Variants in DNAI1 observed in about 807,000 individuals in gnomAD.
DNAI1 encodes dynein axonemal intermediate chain 1.
In DNAI1, 67 loss-of-function variants were observed where a neutral mutation model predicts 92.0. That is an observed-to-expected ratio of 0.73 (90% CI 0.60 to 0.89). The LOEUF (loss-of-function observed/expected upper bound fraction) is 0.89. Among genes scored for constraint, DNAI1 ranks in the 40% least tolerant of loss-of-function variants. The pLI, the probability that DNAI1 is intolerant of heterozygous loss-of-function variation, is 0.00. For missense variants in DNAI1, 839 were observed against 866.6 expected (o/e 0.97, Z 0.40); for synonymous variants, 323 against 319.6 (o/e 1.01, Z -0.11).
chr9:34,500,906 C>T (rs757425174), intron 11 of DNAI1, 67 bp downstream of exon 11: 19 of 1,278,542 alleles, frequency 1.5e-5, no homozygotes, highest in Non-Finnish European at 2.2e-5. Flanking sequence ...CCCCCAGTAC[C>T]CCCTTCTGCA....
At chr9:34,488,279 T>G (rs955679830) in intron 4 of DNAI1, 2 of 173,604 alleles carry the variant, frequency 1.2e-5, no homozygotes, top group East Asian at 1.8e-4. Context: ...GAATAAAGAT[T>G]CAAACCCAAC....
At chr9:34,460,593 G>T (rs565067538) in intron 1 of DNAI1, among the ~76,000 whole-genome samples, 5 of 152,200 alleles carry the variant, frequency 3.3e-5, no homozygotes, top group Non-Finnish European at 7.3e-5. Context: ...TTACGTTGAA[G>T]TTCATGTACT....
chr9:34,494,191 A>G (rs1362199021), intron 9 of DNAI1, among the ~76,000 whole-genome samples: 1 of 151,632 alleles, frequency 6.6e-6, no homozygotes, highest in Admixed American at 6.6e-5. Flanking sequence ...GTTCTGCTCC[A>G]CTCCAGAATT....
intron 16 of DNAI1, 119 bp downstream of exon 16, chr9:34,513,310 C>T (rs1825110231): frequency 8.7e-6 from 7 of 806,452 alleles, no homozygotes; most frequent in Admixed American, 5.6e-5. Flanking sequence ...TCTAGAAGGC[C>T]TCTTGAGGGA....
intron 10 of DNAI1, 87 bp downstream of exon 10, chr9:34,497,286 A>C (rs1473550238): frequency 2.0e-6 from 2 of 999,392 alleles, no homozygotes; most frequent in Non-Finnish European, 3.2e-6. Context: ...GTCTCTTGCT[A>C]GCTCCTATAG....
chr9:34,475,399 T>C (rs562188314), intron 1 of DNAI1, among the ~76,000 whole-genome samples: 1 of 152,308 alleles, frequency 6.6e-6, no homozygotes, highest in African/African-American at 2.4e-5. Flanking sequence ...TGTTTCAGCA[T>C]TGAACTCTTG....
rs1430176352 is a variant in DNAI1 at position 34,474,655 on chromosome 9, G to A, written c.49-8793G>A. ...GCAATCTCGGCTCACTGCAACCTCC[G>A]CCTCCCGGGTTCAAGTGATTCTCCT... On this transcript the variant is annotated intron_variant, in intron 1 of 19. Transcript: ENST00000242317. Among the ~76,000 whole-genome samples, 4 of 131,714 alleles carry A rather than the reference G, an allele frequency of 3.0e-5. No homozygotes were observed. In the South Asian group the frequency reaches 7.8e-4, roughly 26 times the overall value. 86.4% of individuals were successfully genotyped at this position (131,714 alleles called of 152,430 possible).
intron 19 of DNAI1, among the ~76,000 whole-genome samples, chr9:34,518,674 GAA>G (rs1825214891): frequency 6.6e-6 from 1 of 152,240 alleles, no homozygotes; most frequent in Non-Finnish European, 1.5e-5. Context: ...GACCCAGGTT[GAA>G]GCTGGCAGAG....
intron 1 of DNAI1, among the ~76,000 whole-genome samples, chr9:34,461,266 C>T (rs548473282): frequency 6.6e-5 from 10 of 152,188 alleles, no homozygotes; most frequent in African/African-American, 2.4e-4. Context: ...GGTGAGCCCC[C>T]GTGCCCCAGC....
At chr9:34,512,462 G>A (rs757940045) in intron 15 of DNAI1, 38 bp downstream of exon 15, 2 of 1,588,208 alleles carry the variant, frequency 1.3e-6, no homozygotes, top group Non-Finnish European at 1.7e-6. Flanking sequence ...GGCCTGGCCA[G>A]GTCATTCAGG....
Position 34,458,936 on chromosome 9 carries a change from TG to T in DNAI1, c.-68del. Reference sequence around the variant, plus strand: ...GAAGAGAGTCCAGATTTCTTGTGTGTGGTCAAGGAGACGGACAAACTTTTTG... The same window carrying T: ...GAAGAGAGTCCAGATTTCTTGTGTGTGTCAAGGAGACGGACAAACTTTTTG... On this transcript the variant is annotated 5_prime_UTR_variant, in exon 1 of 20. Coordinates refer to ENST00000242317, the MANE Select transcript of DNAI1 (RefSeq NM_012144.4). This position sits in a 1 kb window ranked among gnomAD's most constrained non-coding sequence, Gnocchi z 6.6. 2 of 1,393,164 alleles carry T rather than the reference TG, an allele frequency of 1.4e-6. No homozygotes were observed. Among genetic ancestry groups the T allele is most frequent in the Non-Finnish European group, 2.0e-6 (2 of 979,760 alleles). 86.3% of individuals were successfully genotyped at this position (1,393,164 alleles called of 1,614,324 possible).
chr9:34,458,846 C>T lies in DNAI1; in HGVS notation c.-160C>T, dbSNP rs1823876427. 6 of 715,802 alleles carry T rather than the reference C, an allele frequency of 8.4e-6. No individual in the cohort carries two copies. Among genetic ancestry groups the T allele is most frequent in the Non-Finnish European group, 1.3e-5 (5 of 391,102 alleles). The allele number at this position is 715,802 out of a possible 1,614,324, so 44.3% of individuals were successfully genotyped here. On this transcript the variant is annotated 5_prime_UTR_variant, in exon 1 of 20. Transcript: ENST00000242317. The surrounding 1 kb of genome is among the most constrained non-coding windows in gnomAD (Gnocchi z 6.6). ...CGTCAGGGAGTTGGATTCTATCCTGCAAGGGCACGGGGACCCACAACGACG... is the reference window on the plus strand; with the variant it reads ...CGTCAGGGAGTTGGATTCTATCCTGTAAGGGCACGGGGACCCACAACGACG...
intron 12 of DNAI1, among the ~76,000 whole-genome samples, chr9:34,503,366 T>G (rs1010711590): frequency 2.6e-5 from 4 of 152,160 alleles, no homozygotes; most frequent in Non-Finnish European, 4.4e-5. Flanking sequence ...GGGGTCACTA[T>G]GAGGAGCAGC....
chr9:34,520,380 A>T (rs189354304), intron 19 of DNAI1, among the ~76,000 whole-genome samples: 19 of 152,226 alleles, frequency 1.2e-4, no homozygotes, highest in Admixed American at 1.2e-3. Flanking sequence ...CAGGGAATGG[A>T]TGCCTTTTCC....
At chr9:34,467,473 A>G (rs1026672932) in intron 1 of DNAI1, among the ~76,000 whole-genome samples, 1 of 148,168 alleles carries the variant, frequency 6.7e-6, no homozygotes, top group African/African-American at 2.5e-5. Context: ...ACACACACAC[A>G]CACACACACC....
At chr9:34,459,379 G>C (rs1823895441) in intron 1 of DNAI1, among the ~76,000 whole-genome samples, 2 of 151,538 alleles carry the variant, frequency 1.3e-5, no homozygotes. Context: ...CCATTCCCAC[G>C]AGTCCCTTCC....
At chr9:34,516,661 G>C (rs966150008) in intron 18 of DNAI1, among the ~76,000 whole-genome samples, 1 of 152,072 alleles carries the variant, frequency 6.6e-6, no homozygotes, top group Non-Finnish European at 1.5e-5. Context: ...ATAATGAGGT[G>C]ATGCAACCGT....
chr9:34,500,723 T>G lies in DNAI1; in HGVS notation c.903T>G (p.Asp301Glu), dbSNP rs527254975. Residue 301 changes from aspartate (D) to glutamate (E), a missense_variant and splice_region_variant, in exon 11 of 20, where the codon GAT (aspartate) becomes GAG (glutamate). Asp to Glu is a conservative substitution (Grantham distance 45). Coordinates refer to ENST00000242317, the MANE Select transcript of DNAI1 (RefSeq NM_012144.4). ...TGACTCTGCCTGTGTGTGTTTAAGA[T>G]TTTAAGTACTATGACGATGCTGCTG... ...NQNTYDDIAQ[D>E]FKYYDDAADE... 25 of 1,612,564 alleles carry G rather than the reference T, an allele frequency of 1.6e-5. No individual in the cohort carries two copies. The highest frequency in any genetic ancestry group is 8.8e-5 in the South Asian group (8 of 90,892).
intron 19 of DNAI1, among the ~76,000 whole-genome samples, chr9:34,518,268 A>G (rs1825208062): frequency 6.6e-6 from 1 of 152,196 alleles, no homozygotes; most frequent in African/African-American, 2.4e-5. Context: ...AATTTGAGGC[A>G]TTTACTGCAG....
Sources: allele counts gnomAD v4.1 joint callset (sites outside exome capture counted in the v4.1 genomes callset), GRCh38; gene constraint gnomAD v4.1.1; non-coding constraint Gnocchi (gnomAD v3.1); transcripts MANE v1.5; gene names NCBI Gene and HGNC (gene_info 2026-07-23, HGNC 2026-07-21).